The following PRAP1 variants were observed in gnomAD, a reference collection of about 807,000 sequenced individuals.
PRAP1 encodes proline rich acidic protein 1, also known as proline-rich acidic protein 1.
Under a neutral mutation model 14.6 loss-of-function variants are expected in PRAP1, and 12 were observed. That is an observed-to-expected ratio of 0.82 (90% CI 0.53 to 1.33). The LOEUF is 1.33. Ranked by LOEUF, PRAP1 falls within the 40% of genes most tolerant of loss-of-function variation. The pLI is 0.00. For synonymous variants in PRAP1, 81 were observed against 80.3 expected, an observed-to-expected ratio of 1.01 and a Z score of -0.04; for missense variants, 160 against 193.7, an observed-to-expected ratio of 0.83 and a Z score of 1.03.
chr10:133,352,614 A>G lies in PRAP1; in HGVS notation c.*174A>G, dbSNP rs893859675. On this transcript the variant is annotated 3_prime_UTR_variant, in exon 5 of 5. Coordinates refer to ENST00000433452, the MANE Select transcript of PRAP1 (RefSeq NM_145202.5). ...CGAGGCAGGCGGATCACCTGAAATCAGGAGTTCCAGACCAGCCTGGGCAAC... is the reference window on the plus strand; with the variant it reads ...CGAGGCAGGCGGATCACCTGAAATCGGGAGTTCCAGACCAGCCTGGGCAAC... The G allele has an allele frequency of 5.0e-6, 3 of 594,142 alleles. No homozygotes were observed. Among genetic ancestry groups the G allele is most frequent in the Admixed American group, 3.1e-5 (1 of 32,552 alleles). 36.8% of individuals were successfully genotyped at this position (594,142 alleles called of 1,614,324 possible). A position where few individuals can be genotyped will look rare whatever the true frequency, so the allele number is the denominator to read the frequency against.
chr10:133,351,996 T>A lies in PRAP1; in HGVS notation c.129-11T>A. 6.2e-7 allele frequency: 1 copy of A among 1,611,622 alleles called. No homozygotes were observed. The highest frequency in any genetic ancestry group is 8.5e-7 in the Non-Finnish European group (1 of 1,179,668). On this transcript the variant is annotated splice_polypyrimidine_tract_variant and intron_variant, in intron 3 of 4. Transcript: ENST00000433452. This position sits in a 1 kb window ranked among gnomAD's most constrained non-coding sequence, Gnocchi z 4.3. The stretch of plus-strand genomic sequence containing the variant: ...CACCTGCATGTGGACCTGACCAAAC[T>A]GTGCCAGCAGGGCCTGGGGCGCCCG...
intron 4 of PRAP1, 36 bp downstream of exon 4, chr10:133,352,176 G>A (rs1195622192): frequency 3.7e-6 from 6 of 1,612,232 alleles, no homozygotes; most frequent in Non-Finnish European, 5.1e-6. Flanking sequence ...GTCCGCTCGT[G>A]GGGTTGACTT....
At position 133,352,497 on chromosome 10, in the gene PRAP1, G is replaced by A; in HGVS notation, c.*57G>A. On this transcript the variant is annotated 3_prime_UTR_variant, in exon 5 of 5. Coordinates refer to ENST00000433452, the MANE Select transcript of PRAP1 (RefSeq NM_145202.5). ...TCCCAAGGCCCAGGCTGTTGGGACT[G>A]GGACCCTCCCTACCCTGCCCCAGCT... 6.7e-7 allele frequency: 1 copy of A among 1,499,172 alleles called. No individual in the cohort carries two copies. Among genetic ancestry groups the A allele is most frequent in the Admixed American group, 1.8e-5 (1 of 56,278 alleles). The allele number at this position is 1,499,172 out of a possible 1,614,324, so 92.9% of individuals were successfully genotyped here.
At chr10:133,349,012 G>A (rs1173075636) in intron 1 of PRAP1, among the ~76,000 whole-genome samples, 1 of 132,952 alleles carries the variant, frequency 7.5e-6, no homozygotes, top group South Asian at 2.5e-4. Context: ...CCAGAGCCCC[G>A]CCCCACCCCA....
intron 1 of PRAP1, among the ~76,000 whole-genome samples, chr10:133,348,512 G>GTT (rs60522030): frequency 2.8e-5 from 4 of 143,502 alleles, no homozygotes; most frequent in Non-Finnish European, 3.1e-5. Flanking sequence ...GCTAAGTTTT[G>GTT]TTTTTTTTTT....
intron 1 of PRAP1, among the ~76,000 whole-genome samples, chr10:133,348,236 C>A (rs1848614421): frequency 6.6e-6 from 1 of 152,172 alleles, no homozygotes; most frequent in Non-Finnish European, 1.5e-5. Flanking sequence ...GGGTCCAGTG[C>A]CCAGACAAGA....
At position 133,347,510 on chromosome 10, in the gene PRAP1, T is replaced by A; in HGVS notation, c.8+85T>A. On this transcript the variant is annotated intron_variant, in intron 1 of 4. Transcript: ENST00000433452. This position sits in a 1 kb window ranked among gnomAD's most constrained non-coding sequence, Gnocchi z 5.0. ...TTAGCCAGAGGGGGCCCAGCTGTGCTGCGCTCCAGGGGGCCTGGTTCAGGG... is the reference window on the plus strand; with the variant it reads ...TTAGCCAGAGGGGGCCCAGCTGTGCAGCGCTCCAGGGGGCCTGGTTCAGGG... 7.3e-7 allele frequency: 1 copy of A among 1,366,674 alleles called. No homozygotes were observed. Among genetic ancestry groups the A allele is most frequent in the Non-Finnish European group, 1.0e-6 (1 of 992,444 alleles). The allele number at this position is 1,366,674 out of a possible 1,614,324, so 84.7% of individuals were successfully genotyped here. A position where few individuals can be genotyped will look rare whatever the true frequency, so the allele number is the denominator to read the frequency against.
intron 2 of PRAP1, 46 bp downstream of exon 2, chr10:133,350,207 C>T: frequency 1.3e-6 from 2 of 1,545,772 alleles, no homozygotes; most frequent in Non-Finnish European, 1.8e-6. Context: ...CAGTTGTCAC[C>T]TTCTGCCCCT....
At chr10:133,349,300 CCACA>C (rs938857334) in intron 1 of PRAP1, among the ~76,000 whole-genome samples, 1 of 150,830 alleles carries the variant, frequency 6.6e-6, no homozygotes. Context: ...CACACATCCA[CCACA>C]CACAAACACA....
At chr10:133,349,057 C>T (rs1266161511) in intron 1 of PRAP1, among the ~76,000 whole-genome samples, 7 of 151,588 alleles carry the variant, frequency 4.6e-5, no homozygotes, top group African/African-American at 1.2e-4. Context: ...AAGCCTCCCC[C>T]GCAGGGCCCT....
intron 1 of PRAP1, among the ~76,000 whole-genome samples, chr10:133,349,547 G>A (rs1368125848): frequency 1.3e-5 from 2 of 152,224 alleles, no homozygotes; most frequent in East Asian, 1.9e-4. Flanking sequence ...TCCCGTGTCC[G>A]AACTGACCTG....
intron 1 of PRAP1, 90 bp from the exon 2 acceptor site, chr10:133,350,005 C>A: frequency 1.7e-6 from 2 of 1,160,524 alleles, no homozygotes; most frequent in East Asian, 2.5e-5. Flanking sequence ...GAACCCAGCC[C>A]AGGCCTCCCA....
At position 133,352,081 on chromosome 10, in the gene PRAP1, C is replaced by A. The variant is rs751784074; in HGVS notation, c.203C>A (p.Pro68Gln). The change falls in exon 4 of 5, where the codon CCG becomes CAG. Residue 68 changes from proline (P) to glutamine (Q), a missense_variant. Coordinates refer to ENST00000433452, the MANE Select transcript of PRAP1 (RefSeq NM_145202.5). The stretch of plus-strand genomic sequence containing the variant: ...GTGGTGCTGTTCCCTGTCCAGAAGC[C>A]GAAACTCTTGACCACCGAGGAGAAG... ...QLVVLFPVQK[P>Q]KLLTTEEKPR... 1 of 1,612,788 alleles carries A rather than the reference C, an allele frequency of 6.2e-7. No homozygotes were observed. Among genetic ancestry groups the A allele is most frequent in the Non-Finnish European group, 8.5e-7 (1 of 1,179,900 alleles).
chr10:133,348,577 C>G (rs1482798734), intron 1 of PRAP1, among the ~76,000 whole-genome samples: 3 of 151,866 alleles, frequency 2.0e-5, no homozygotes, highest in Admixed American at 6.6e-5. Flanking sequence ...GCAGTGGCGC[C>G]ATCTTGGCTC....
At chr10:133,350,074 C>G in intron 1 of PRAP1, 21 bp from the exon 2 acceptor site, 2 of 1,611,182 alleles carry the variant, frequency 1.2e-6, no homozygotes, top group East Asian at 4.5e-5. Flanking sequence ...CCTCACACTT[C>G]CCTCTCTGGC....
At position 133,350,259 on chromosome 10, in the gene PRAP1, A is replaced by G. The variant is rs868489912; in HGVS notation, c.75+98A>G. 19 of 1,097,522 alleles carry G rather than the reference A, an allele frequency of 1.7e-5. No individual in the cohort carries two copies. In the African/African-American group the frequency reaches 2.5e-4, roughly 14 times the overall value. The allele number at this position is 1,097,522 out of a possible 1,614,324, so 68.0% of individuals were successfully genotyped here. A position where few individuals can be genotyped will look rare whatever the true frequency, so the allele number is the denominator to read the frequency against. Reference sequence around the variant, plus strand: ...ACAAAGGGCCCCTCTTCTGGCTTCAAACCCCAAGCTGGCTTAGGGGAGAGA... The same window carrying G: ...ACAAAGGGCCCCTCTTCTGGCTTCAGACCCCAAGCTGGCTTAGGGGAGAGA... On this transcript the variant is annotated intron_variant, in intron 2 of 4. Coordinates refer to ENST00000433452, the MANE Select transcript of PRAP1 (RefSeq NM_145202.5).
intron 1 of PRAP1, among the ~76,000 whole-genome samples, chr10:133,349,490 C>G (rs1302189578): frequency 6.6e-6 from 1 of 152,172 alleles, no homozygotes; most frequent in East Asian, 1.9e-4. Context: ...AACACACATG[C>G]ACAGACAACA....
At position 133,347,913 on chromosome 10, in the gene PRAP1, G is replaced by A. The variant is rs1848610984; in HGVS notation, c.8+488G>A. ...TCTGTCTTCCCCCTCCTTGTGTGGG[G>A]GACCCCTCTCCCCGCTCCTGTGGAG... On this transcript the variant is annotated intron_variant, in intron 1 of 4. Transcript: ENST00000433452. The surrounding 1 kb of genome is among the most constrained non-coding windows in gnomAD (Gnocchi z 5.0). Among the ~76,000 whole-genome samples, 1 of 152,088 alleles carries A rather than the reference G, an allele frequency of 6.6e-6. No individual in the cohort carries two copies. Among genetic ancestry groups the A allele is most frequent in the Non-Finnish European group, 1.5e-5 (1 of 67,980 alleles).
chr10:133,350,230 GT>G, intron 2 of PRAP1, 69 bp downstream of exon 2: 2 of 1,390,824 alleles, frequency 1.4e-6, no homozygotes, highest in Non-Finnish European at 2.0e-6. Flanking sequence ...AGCAGGGGAT[GT>G]GGACAAAGGG....
Sources: gnomAD v4.1 joint callset for allele counts (sites outside exome capture counted in the v4.1 genomes callset) on GRCh38, gnomAD v4.1.1 for gene constraint, Gnocchi (gnomAD v3.1) non-coding constraint, MANE v1.5 for transcripts, NCBI Gene and HGNC (gene_info 2026-07-23, HGNC 2026-07-21) for gene names.